VWA8: variants seen among roughly 807,000 people sequenced by gnomAD.
VWA8 encodes von Willebrand factor A domain containing 8.
Under a neutral mutation model 241.5 loss-of-function variants are expected in VWA8, and 221 were observed. That is an observed-to-expected ratio of 0.91 (90% CI 0.82 to 1.02). The LOEUF (loss-of-function observed/expected upper bound fraction) is 1.02, where lower values mean the gene tolerates loss of function less well. VWA8 is among the 50% of genes least tolerant of loss of function. The pLI is 0.00. For synonymous variants in VWA8, 852 were observed against 827.1 expected, an observed-to-expected ratio of 1.03 and a Z score of -0.52; for missense variants, 2,322 against 2,328.7, an observed-to-expected ratio of 1.00 and a Z score of 0.06.
At chr13:41,598,827 AT>A (rs5803097) in intron 40 of VWA8, among the ~76,000 whole-genome samples, 49,732 of 146,938 alleles carry the variant, frequency 0.34, 8,461 homozygotes, top group South Asian at 0.41. Flanking sequence ...TGCTTTTAGG[AT>A]TTTTTTTTTT....
At chr13:41,845,027 C>A (rs1470730553) in intron 12 of VWA8, among the ~76,000 whole-genome samples, 3 of 151,944 alleles carry the variant, frequency 2.0e-5, no homozygotes, top group Non-Finnish European at 4.4e-5. Flanking sequence ...ATGTCATTTG[C>A]CACACAAATA....
In VWA8 at chr13:41,605,350, T is replaced by C. The variant is rs1260943582; in HGVS notation, c.4878-74A>G. On this transcript the variant is annotated intron_variant, in intron 39 of 44. Coordinates refer to ENST00000379310, the MANE Select transcript of VWA8 (RefSeq NM_015058.2). The stretch of plus-strand genomic sequence containing the variant: ...TGGGTTTTTACTTCCATTCGCCTCC[T>C]GCTGGAACTTTAGCAAACTCCTTGG... 9 of 1,435,330 alleles carry C rather than the reference T, an allele frequency of 6.3e-6. No homozygotes were observed. In the Admixed American group the frequency reaches 1.4e-4, roughly 23 times the overall value. The allele number at this position is 1,435,330 out of a possible 1,614,324, so 88.9% of individuals were successfully genotyped here.
At chr13:41,897,978 A>C (rs1459370312) in intron 4 of VWA8, among the ~76,000 whole-genome samples, 1 of 152,174 alleles carries the variant, frequency 6.6e-6, no homozygotes, top group Non-Finnish European at 1.5e-5. Context: ...TCCCTGAGCT[A>C]GACACAAAGG....
intron 37 of VWA8, among the ~76,000 whole-genome samples, chr13:41,620,523 G>T (rs184863489): frequency 6.6e-6 from 1 of 152,042 alleles, no homozygotes; most frequent in African/African-American, 2.4e-5. Flanking sequence ...TTTTGAATTT[G>T]TTTGCTCTTG....
intron 24 of VWA8, among the ~76,000 whole-genome samples, chr13:41,726,959 C>A (rs1258170297): frequency 6.6e-6 from 1 of 152,086 alleles, no homozygotes; most frequent in African/African-American, 2.4e-5. Context: ...CATGCCACTG[C>A]ACTCCAGTCT....
At chr13:41,598,179 ATT>A (rs1421439499) in intron 40 of VWA8, among the ~76,000 whole-genome samples, 1 of 152,030 alleles carries the variant, frequency 6.6e-6, no homozygotes, top group African/African-American at 2.4e-5. Flanking sequence ...TTGAACTTAT[ATT>A]TCCCTTATGA....
chr13:41,858,879 A>G (rs112630451), intron 12 of VWA8, among the ~76,000 whole-genome samples: 3 of 152,238 alleles, frequency 2.0e-5, no homozygotes, highest in African/African-American at 7.2e-5. Context: ...TAGTAAAATA[A>G]AAAAGCAAGA....
At chr13:41,682,925 C>T (rs1339090144) in intron 35 of VWA8, among the ~76,000 whole-genome samples, 1 of 152,146 alleles carries the variant, frequency 6.6e-6, no homozygotes. Flanking sequence ...GAAATCACTA[C>T]ACTCACTAGA....
intron 19 of VWA8, among the ~76,000 whole-genome samples, chr13:41,783,162 TTA>T (rs919887567): frequency 1.3e-5 from 2 of 148,954 alleles, no homozygotes; most frequent in Non-Finnish European, 3.0e-5. Flanking sequence ...ACATATATAA[TTA>T]TATGTGTGTA....
At chr13:41,905,737 T>C (rs1403739941) in intron 4 of VWA8, among the ~76,000 whole-genome samples, 1 of 152,074 alleles carries the variant, frequency 6.6e-6, no homozygotes, top group African/African-American at 2.4e-5. Context: ...TGTTAAACGT[T>C]TTTAGTAAGA....
intron 9 of VWA8, among the ~76,000 whole-genome samples, chr13:41,881,850 G>A (rs1196012143): frequency 1.5e-4 from 20 of 131,830 alleles, no homozygotes; most frequent in East Asian, 4.6e-4. Flanking sequence ...CTGGCCGGGC[G>A]GGGGGCTGAC....
Position 41,891,470 on chromosome 13 carries a change from C to CA in VWA8, c.600dup (p.Glu201Ter). ...GCAGACATCAGGAAGCGTCCATCTT[C>CA]AAGCTGCATCTCTCTGTTTTCCAGC... On this transcript the variant is annotated frameshift_variant, in exon 5 of 45. Coordinates refer to ENST00000379310, the MANE Select transcript of VWA8 (RefSeq NM_015058.2). LOFTEE classifies it high-confidence loss of function. 1.2e-6 allele frequency: 2 copies of CA among 1,614,236 alleles called. No individual in the cohort carries two copies. The highest frequency in any genetic ancestry group is 1.7e-6 in the Non-Finnish European group (2 of 1,180,042).
intron 37 of VWA8, among the ~76,000 whole-genome samples, chr13:41,623,624 A>G (rs187569373): frequency 9.8e-5 from 15 of 152,286 alleles, no homozygotes; most frequent in African/African-American, 3.6e-4. Flanking sequence ...GTTGCCCACT[A>G]TCTTCTTGAT....
chr13:41,837,933 T>A (rs1871815356), intron 12 of VWA8, among the ~76,000 whole-genome samples: 1 of 152,178 alleles, frequency 6.6e-6, no homozygotes, highest in Admixed American at 6.5e-5. Context: ...TAACAGGACA[T>A]GAAATTTAAT....
chr13:41,860,010 T>C (rs1872936432), intron 12 of VWA8, among the ~76,000 whole-genome samples: 1 of 152,184 alleles, frequency 6.6e-6, no homozygotes, highest in Admixed American at 6.5e-5. Context: ...ACCAAATTCA[T>C]TCTTTAAGTT....
intron 42 of VWA8, among the ~76,000 whole-genome samples, chr13:41,581,641 C>T (rs943694759): frequency 1.3e-5 from 2 of 152,120 alleles, no homozygotes; most frequent in Non-Finnish European, 2.9e-5. Flanking sequence ...TGTTAGAAAA[C>T]CACTGCCCTA....
At chr13:41,648,502 C>T (rs1174958511) in intron 37 of VWA8, among the ~76,000 whole-genome samples, 2 of 152,186 alleles carry the variant, frequency 1.3e-5, no homozygotes, top group African/African-American at 4.8e-5. Context: ...ACAAAAGATC[C>T]TTTCACAGTA....
chr13:41,720,231 A>G (rs531759358), intron 25 of VWA8, among the ~76,000 whole-genome samples: 1 of 152,286 alleles, frequency 6.6e-6, no homozygotes, highest in East Asian at 1.9e-4. Context: ...AGGGAGCAGT[A>G]GAGGGCAAGA....
chr13:41,911,448 G>A (rs1875993780), intron 3 of VWA8, among the ~76,000 whole-genome samples: 2 of 152,160 alleles, frequency 1.3e-5, no homozygotes, highest in Non-Finnish European at 2.9e-5. Context: ...AAATGTTTAA[G>A]AGGACAACAT....
Sources: allele counts gnomAD v4.1 joint callset (sites outside exome capture counted in the v4.1 genomes callset), GRCh38; gene constraint gnomAD v4.1.1; transcripts MANE v1.5; gene names NCBI Gene and HGNC (gene_info 2026-07-23, HGNC 2026-07-21).